The following PDE10A variants were observed in gnomAD, a reference collection of about 807,000 sequenced individuals.
The protein encoded by PDE10A is cAMP and cAMP-inhibited cGMP 3',5'-cyclic phosphodiesterase 10A.
A neutral mutation model predicts 97.7 loss-of-function variants in PDE10A; 39 were observed. That is an observed-to-expected ratio of 0.40 (90% CI 0.31 to 0.52). The LOEUF (loss-of-function observed/expected upper bound fraction) is 0.52. Among genes scored for constraint, PDE10A ranks in the 20% least tolerant of loss-of-function variants. The pLI, the probability that PDE10A is intolerant of heterozygous loss-of-function variation, is 0.56. For missense variants in PDE10A, 731 were observed against 1,047.8 expected, an observed-to-expected ratio of 0.70 and a Z score of 4.17; for synonymous variants, 371 against 376.8, an observed-to-expected ratio of 0.98 and a Z score of 0.18.
chr6:165,688,222 G>A (rs535046342), intron 1 of PDE10A, among the ~76,000 whole-genome samples: 1 of 152,150 alleles, frequency 6.6e-6, no homozygotes, highest in Non-Finnish European at 1.5e-5. Context: ...TGGTTTACAC[G>A]CCTTTGAGAC....
At chr6:165,824,343 A>G (rs1027260709) in intron 1 of PDE10A, among the ~76,000 whole-genome samples, 4 of 152,246 alleles carry the variant, frequency 2.6e-5, no homozygotes, top group African/African-American at 9.6e-5. Context: ...ATCCCCAAAT[A>G]TCAGATAGCA....
At chr6:165,915,699 A>T (rs141575273) in intron 1 of PDE10A, among the ~76,000 whole-genome samples, 21 of 152,336 alleles carry the variant, frequency 1.4e-4, no homozygotes, top group Middle Eastern at 6.8e-3. Flanking sequence ...AGGCCGTGTC[A>T]TTTGACCTTG....
At chr6:165,492,936 C>A (rs1169370354) in intron 2 of PDE10A, among the ~76,000 whole-genome samples, 1 of 151,886 alleles carries the variant, frequency 6.6e-6, no homozygotes, top group Non-Finnish European at 1.5e-5. Flanking sequence ...CCTAGAAAAC[C>A]CTAAAGACTC....
At chr6:165,387,989 T>C (rs186007201) in intron 17 of PDE10A, among the ~76,000 whole-genome samples, 5 of 152,338 alleles carry the variant, frequency 3.3e-5, no homozygotes, top group Non-Finnish European at 7.4e-5. Context: ...TTCAAGAATA[T>C]GATAATCTAT....
intron 13 of PDE10A, among the ~76,000 whole-genome samples, chr6:165,408,042 G>A (rs977526376): frequency 2.0e-5 from 3 of 152,090 alleles, no homozygotes; most frequent in Admixed American, 1.3e-4. Flanking sequence ...TCTTAGATAG[G>A]CTCTTAATCA....
intron 5 of PDE10A, among the ~76,000 whole-genome samples, chr6:165,445,686 T>C (rs1000883401): frequency 4.6e-5 from 7 of 152,228 alleles, no homozygotes; most frequent in African/African-American, 1.7e-4. Flanking sequence ...TCATGTGGAT[T>C]GGACTCTTGA....
At chr6:165,757,051 T>G (rs9718104) in intron 1 of PDE10A, among the ~76,000 whole-genome samples, 8,819 of 151,714 alleles carry the variant, frequency 0.058, 474 homozygotes, top group Admixed American at 0.17. Flanking sequence ...CACTGCAACA[T>G]CCACCTCCTG....
intron 1 of PDE10A, among the ~76,000 whole-genome samples, chr6:165,766,043 C>T (rs1777842277): frequency 6.6e-6 from 1 of 152,168 alleles, no homozygotes; most frequent in Non-Finnish European, 1.5e-5. Context: ...AAAATACAAA[C>T]AGGTAGAGAA....
intron 1 of PDE10A, among the ~76,000 whole-genome samples, chr6:165,669,874 G>A (rs989130396): frequency 6.6e-6 from 1 of 152,190 alleles, no homozygotes; most frequent in South Asian, 2.1e-4. Flanking sequence ...CACCACTAAT[G>A]TAACAAGGCA....
chr6:165,722,684 G>C (rs543558005), intron 1 of PDE10A, among the ~76,000 whole-genome samples: 2 of 152,240 alleles, frequency 1.3e-5, no homozygotes, highest in East Asian at 3.9e-4. Flanking sequence ...TGAAACCTTG[G>C]ATAAGGTGGG....
intron 13 of PDE10A, among the ~76,000 whole-genome samples, chr6:165,401,962 A>G (rs1318981149): frequency 6.6e-6 from 1 of 152,190 alleles, no homozygotes. Context: ...CACAGGATTT[A>G]CTCAGTATTT....
chr6:165,553,169 G>A (rs753561429), intron 1 of PDE10A, among the ~76,000 whole-genome samples: 41 of 152,098 alleles, frequency 2.7e-4, no homozygotes, highest in Non-Finnish European at 4.6e-4. Flanking sequence ...TTATATAGCA[G>A]TTCTTTCTAA....
chr6:165,955,874 C>T (rs1192241326), intron 1 of PDE10A, among the ~76,000 whole-genome samples: 1 of 152,144 alleles, frequency 6.6e-6, no homozygotes, highest in Non-Finnish European at 1.5e-5. Context: ...TAACATAAAA[C>T]ATAAAAATAT....
intron 2 of PDE10A, among the ~76,000 whole-genome samples, chr6:165,500,569 A>G: frequency 8.3e-6 from 1 of 120,290 alleles, no homozygotes; most frequent in South Asian, 2.3e-4. Context: ...CACAATACAC[A>G]GGGACCTCTG....
intron 1 of PDE10A, among the ~76,000 whole-genome samples, chr6:165,677,884 A>G (rs1790845194): frequency 1.3e-5 from 2 of 151,674 alleles, no homozygotes; most frequent in Non-Finnish European, 2.9e-5. Context: ...GTTTGAGTGT[A>G]TATGCATGGG....
chr6:165,697,281 T>C (rs933229454), intron 1 of PDE10A, among the ~76,000 whole-genome samples: 4 of 151,966 alleles, frequency 2.6e-5, no homozygotes, highest in Admixed American at 6.6e-5. Flanking sequence ...AGAAAAATGA[T>C]GCATCAAGAA....
chr6:165,471,367 C>A (rs1778995650), intron 3 of PDE10A, among the ~76,000 whole-genome samples: 1 of 152,140 alleles, frequency 6.6e-6, no homozygotes, highest in South Asian at 2.1e-4. Context: ...ACTCTAGCTA[C>A]TATCTGTATG....
intron 1 of PDE10A, among the ~76,000 whole-genome samples, chr6:165,738,497 G>A (rs1022186852): frequency 6.6e-6 from 1 of 151,684 alleles, no homozygotes. Flanking sequence ...CTTTATAGCA[G>A]CATGATTTAT....
intron 1 of PDE10A, among the ~76,000 whole-genome samples, chr6:165,811,719 C>G (rs1356461304): frequency 1.3e-5 from 2 of 152,210 alleles, no homozygotes; most frequent in Non-Finnish European, 2.9e-5. Flanking sequence ...TCTGTCCTGT[C>G]TTAGCTGCTA....
Sources: allele counts gnomAD v4.1 joint callset (sites outside exome capture counted in the v4.1 genomes callset), GRCh38; gene constraint gnomAD v4.1.1; transcripts MANE v1.5; gene names NCBI Gene and HGNC (gene_info 2026-07-23, HGNC 2026-07-21).